NRXN3: variants seen among roughly 807,000 people sequenced by gnomAD.
NRXN3 encodes neurexin III.
Under a neutral mutation model 137.6 loss-of-function variants are expected in NRXN3, and 32 were observed. The observed-to-expected ratio is 0.23, with a 90% CI of 0.18 to 0.31. The LOEUF is 0.31. NRXN3 is among the 10% of genes least tolerant of loss of function. The pLI, the probability that NRXN3 is intolerant of heterozygous loss-of-function variation, is 1.00. For synonymous variants in NRXN3, 798 were observed against 784.5 expected, an observed-to-expected ratio of 1.02 and a Z score of -0.29; for missense variants, 1,574 against 2,062.5, an observed-to-expected ratio of 0.76 and a Z score of 4.59.
chr14:79,102,527 T>A (rs1267855925), intron 15 of NRXN3, among the ~76,000 whole-genome samples: 1 of 152,134 alleles, frequency 6.6e-6, no homozygotes, highest in African/African-American at 2.4e-5. Context: ...GTACCTCCCA[T>A]GTGCAAGGCA....
chr14:79,035,258 G>C (rs940748162), intron 15 of NRXN3, among the ~76,000 whole-genome samples: 1 of 152,078 alleles, frequency 6.6e-6, no homozygotes, highest in African/African-American at 2.4e-5. Context: ...TTCATGTACA[G>C]TGGTTAAGAA....
At chr14:79,269,711 T>C (rs2079015966) in intron 15 of NRXN3, among the ~76,000 whole-genome samples, 2 of 152,304 alleles carry the variant, frequency 1.3e-5, no homozygotes, top group South Asian at 4.1e-4. Flanking sequence ...CCAGCCAGCA[T>C]ATTCTTCCCA....
Position 79,441,762 on chromosome 14 carries a change from T to TCA in NRXN3, c.3263-25448_3263-25447dup, listed in dbSNP as rs372426762. On this transcript the variant is annotated intron_variant, in intron 15 of 20. Transcript: ENST00000335750. ...ATATGAAGAAAAGCATATTCTTTCT[T>TCA]CACACACACACAGTATGTGTGTGTG... Among the ~76,000 whole-genome samples, 10 of 151,526 alleles carry TCA rather than the reference T, an allele frequency of 6.6e-5. No individual in the cohort carries two copies. The East Asian group carries it at 1.6e-3, about 24-fold the overall frequency.
At chr14:78,800,913 T>G (rs1340067654) in intron 8 of NRXN3, among the ~76,000 whole-genome samples, 1 of 152,224 alleles carries the variant, frequency 6.6e-6, no homozygotes, top group South Asian at 2.1e-4. Context: ...CCATTTACTT[T>G]CCAGTAGATG....
chr14:79,389,650 T>G (rs1047899037), intron 15 of NRXN3, among the ~76,000 whole-genome samples: 1 of 152,234 alleles, frequency 6.6e-6, no homozygotes, highest in African/African-American at 2.4e-5. Context: ...TTAATAATTG[T>G]AAGTTGTTAA....
At chr14:78,288,195 G>A (rs2075392813) in intron 3 of NRXN3, among the ~76,000 whole-genome samples, 1 of 152,120 alleles carries the variant, frequency 6.6e-6, no homozygotes, top group Non-Finnish European at 1.5e-5. Flanking sequence ...GGCCAAGCTG[G>A]TCTTAAACTC....
intron 1 of NRXN3, among the ~76,000 whole-genome samples, chr14:78,213,542 G>A (rs923686090): frequency 3.9e-5 from 6 of 152,216 alleles, no homozygotes; most frequent in Non-Finnish European, 2.9e-5. Context: ...AAGTCCCCAA[G>A]CAAGAGTTGA....
chr14:78,841,314 C>G (rs2099011799), intron 10 of NRXN3, among the ~76,000 whole-genome samples: 1 of 151,982 alleles, frequency 6.6e-6, no homozygotes. Flanking sequence ...TTATTGTAAA[C>G]CGTCTTCCAC....
chr14:79,814,978 G>C (rs954693798), intron 20 of NRXN3, among the ~76,000 whole-genome samples: 2 of 152,192 alleles, frequency 1.3e-5, no homozygotes, highest in Non-Finnish European at 2.9e-5. Flanking sequence ...TGAGTCAACT[G>C]ATATACATTT....
chr14:78,873,921 A>G (rs2099107349), intron 10 of NRXN3, among the ~76,000 whole-genome samples: 1 of 151,998 alleles, frequency 6.6e-6, no homozygotes. Flanking sequence ...AATGCATAGG[A>G]ATTTTATCTG....
chr14:78,488,438 G>C (rs1357948584), intron 4 of NRXN3, among the ~76,000 whole-genome samples: 1 of 152,150 alleles, frequency 6.6e-6, no homozygotes, highest in Non-Finnish European at 1.5e-5. Context: ...TTAGAAGTTT[G>C]CATTTAGGTA....
At chr14:79,657,967 A>C (rs1476608676) in intron 16 of NRXN3, among the ~76,000 whole-genome samples, 1 of 152,190 alleles carries the variant, frequency 6.6e-6, no homozygotes, top group Non-Finnish European at 1.5e-5. Flanking sequence ...TCATTTATTC[A>C]TTTCCATATC....
chr14:79,169,047 C>G (rs1160440301), intron 15 of NRXN3, among the ~76,000 whole-genome samples: 1 of 152,184 alleles, frequency 6.6e-6, no homozygotes, highest in Middle Eastern at 3.4e-3. Flanking sequence ...GATAGTCATT[C>G]ATTCATTCCT....
At chr14:78,697,252 T>A (rs558761471) in intron 6 of NRXN3, among the ~76,000 whole-genome samples, 1 of 152,134 alleles carries the variant, frequency 6.6e-6, no homozygotes, top group South Asian at 2.1e-4. Flanking sequence ...ACATCCTATG[T>A]CCCTTTTCTC....
At chr14:79,017,059 A>G (rs749774823) in intron 15 of NRXN3, among the ~76,000 whole-genome samples, 2 of 152,124 alleles carry the variant, frequency 1.3e-5, no homozygotes, top group Non-Finnish European at 2.9e-5. Flanking sequence ...TTGTGGAATG[A>G]ATGAAATGCA....
intron 15 of NRXN3, among the ~76,000 whole-genome samples, chr14:79,221,484 T>A (rs1664171742): frequency 1.3e-5 from 2 of 152,184 alleles, no homozygotes; most frequent in Non-Finnish European, 2.9e-5. Context: ...TGGTTTTGAT[T>A]TGCATTTCTC....
chr14:78,222,333 T>TACACACACACACAC (rs72352115), intron 1 of NRXN3, among the ~76,000 whole-genome samples: 1 of 148,444 alleles, frequency 6.7e-6, no homozygotes, highest in African/African-American at 2.5e-5. Context: ...CACACACACA[T>TACACACACACACAC]ACACACACAC....
chr14:78,807,982 T>A (rs949695428), intron 9 of NRXN3, among the ~76,000 whole-genome samples: 5 of 151,934 alleles, frequency 3.3e-5, no homozygotes, highest in African/African-American at 1.2e-4. Context: ...TCATATTTTT[T>A]ATTTAAAAAA....
chr14:78,641,127 A>G (rs1053489405), intron 4 of NRXN3, among the ~76,000 whole-genome samples: 2 of 152,194 alleles, frequency 1.3e-5, no homozygotes, highest in African/African-American at 2.4e-5. Context: ...GGAGGATTCA[A>G]AGGATTGAAT....
Sources: gnomAD v4.1 joint callset for allele counts (sites outside exome capture counted in the v4.1 genomes callset) on GRCh38, gnomAD v4.1.1 for gene constraint, MANE v1.5 for transcripts, NCBI Gene and HGNC (gene_info 2026-07-23, HGNC 2026-07-21) for gene names.